Variants in NRG3 observed in about 807,000 individuals in gnomAD.
NRG3 encodes neuregulin 3.
A neutral mutation model predicts 66.9 loss-of-function variants in NRG3; 31 were observed. The observed-to-expected ratio is 0.46, with a 90% CI of 0.35 to 0.63. The LOEUF (loss-of-function observed/expected upper bound fraction) is 0.63. Ranked by LOEUF, NRG3 falls within the 20% of genes least tolerant of loss-of-function variation. NRG3 has a pLI of 0.00. For missense variants in NRG3, 910 were observed against 878.9 expected, an observed-to-expected ratio of 1.04 and a Z score of -0.45; for synonymous variants, 393 against 359.4, an observed-to-expected ratio of 1.09 and a Z score of -1.06.
At chr10:82,792,610 C>G (rs1003703469) in intron 3 of NRG3, among the ~76,000 whole-genome samples, 1 of 152,016 alleles carries the variant, frequency 6.6e-6, no homozygotes, top group Non-Finnish European at 1.5e-5. Context: ...ACAAACTCTT[C>G]TATATTGTGA....
intron 2 of NRG3, among the ~76,000 whole-genome samples, chr10:82,594,165 A>G (rs981977): frequency 0.084 from 12,821 of 152,156 alleles, 619 homozygotes; most frequent in East Asian, 0.15. Context: ...TGGCTGTAAT[A>G]TATACTGAGA....
At chr10:82,088,075 A>G (rs1175161165) in intron 1 of NRG3, among the ~76,000 whole-genome samples, 2 of 152,130 alleles carry the variant, frequency 1.3e-5, no homozygotes, top group African/African-American at 4.8e-5. Context: ...AAACTGATTC[A>G]TGATGATTAC....
intron 8 of NRG3, among the ~76,000 whole-genome samples, chr10:82,983,425 ATGTAGC>A (rs1187070592): frequency 1.3e-5 from 2 of 152,200 alleles, no homozygotes; most frequent in African/African-American, 4.8e-5. Context: ...ATTTCCAAAT[ATGTAGC>A]TGTGCAGTTT....
chr10:82,171,048 T>A (rs2072562887), intron 1 of NRG3, among the ~76,000 whole-genome samples: 1 of 151,994 alleles, frequency 6.6e-6, no homozygotes. Context: ...ATACTCTGGC[T>A]TTATTAGTGT....
At chr10:81,964,293 C>A (rs1187510822) in intron 1 of NRG3, among the ~76,000 whole-genome samples, 1 of 147,840 alleles carries the variant, frequency 6.8e-6, no homozygotes, top group Admixed American at 6.9e-5. Context: ...TAAAAAACAG[C>A]TGCATAGAAG....
intron 1 of NRG3, among the ~76,000 whole-genome samples, chr10:82,025,737 A>C (rs2132813189): frequency 6.6e-6 from 1 of 152,262 alleles, no homozygotes; most frequent in East Asian, 1.9e-4. Context: ...AAGAGAATCC[A>C]AAATTATTTA....
chr10:82,099,082 G>C (rs1051925557), intron 1 of NRG3, among the ~76,000 whole-genome samples: 4 of 152,090 alleles, frequency 2.6e-5, no homozygotes, highest in African/African-American at 9.7e-5. Flanking sequence ...CATCTTGACA[G>C]AGCAAAGATT....
At chr10:82,114,212 C>A (rs1274488585) in intron 1 of NRG3, among the ~76,000 whole-genome samples, 1 of 152,116 alleles carries the variant, frequency 6.6e-6, no homozygotes, top group Non-Finnish European at 1.5e-5. Context: ...TTTGTTCATT[C>A]ATCTCTTAGG....
At chr10:82,727,812 A>G (rs1010414394) in intron 2 of NRG3, among the ~76,000 whole-genome samples, 2 of 152,162 alleles carry the variant, frequency 1.3e-5, no homozygotes, top group African/African-American at 2.4e-5. Flanking sequence ...GCAGCCCAAG[A>G]AAACAGCTGG....
intron 2 of NRG3, among the ~76,000 whole-genome samples, chr10:82,690,217 C>T (rs2054815702): frequency 6.6e-6 from 1 of 151,234 alleles, no homozygotes; most frequent in East Asian, 1.9e-4. Context: ...TGAAGAATCT[C>T]ATATAGAGAG....
intron 2 of NRG3, among the ~76,000 whole-genome samples, chr10:82,681,623 C>A (rs1395088349): frequency 6.6e-6 from 1 of 152,156 alleles, no homozygotes; most frequent in Non-Finnish European, 1.5e-5. Context: ...TGACAAATGT[C>A]ATTTGTCAGT....
chr10:82,236,119 G>A (rs1299237407), intron 1 of NRG3, among the ~76,000 whole-genome samples: 1 of 152,036 alleles, frequency 6.6e-6, no homozygotes, highest in Non-Finnish European at 1.5e-5. Context: ...TTTACAGTCA[G>A]TCGTTAGAAT....
chr10:81,963,298 T>A (rs1042557253), intron 1 of NRG3, among the ~76,000 whole-genome samples: 1 of 150,742 alleles, frequency 6.6e-6, no homozygotes, highest in Non-Finnish European at 1.5e-5. Context: ...TACGCCCGGC[T>A]AATTTTTTGT....
intron 1 of NRG3, among the ~76,000 whole-genome samples, chr10:82,156,110 T>C (rs1161199390): frequency 1.3e-5 from 2 of 151,694 alleles, no homozygotes; most frequent in Non-Finnish European, 3.0e-5. Context: ...ACTAGGGTAC[T>C]TGTGCTAACA....
At chr10:82,938,594 G>T (rs1472866270) in intron 4 of NRG3, among the ~76,000 whole-genome samples, 2 of 152,240 alleles carry the variant, frequency 1.3e-5, no homozygotes, top group Non-Finnish European at 2.9e-5. Context: ...TGGTAAAGGA[G>T]TTAGATTCCT....
intron 3 of NRG3, among the ~76,000 whole-genome samples, chr10:82,801,705 A>C (rs1591566522): frequency 6.6e-6 from 1 of 152,232 alleles, no homozygotes; most frequent in East Asian, 1.9e-4. Flanking sequence ...AACAGGGCTT[A>C]TCTTTCAAGA....
At chr10:82,297,294 A>G (rs972498123) in intron 1 of NRG3, among the ~76,000 whole-genome samples, 1 of 151,724 alleles carries the variant, frequency 6.6e-6, no homozygotes, top group African/African-American at 2.4e-5. Flanking sequence ...TTTTGGGTAG[A>G]TACTCAGTAG....
chr10:82,328,516 C>G (rs1264651407), intron 1 of NRG3, among the ~76,000 whole-genome samples: 1 of 152,174 alleles, frequency 6.6e-6, no homozygotes, highest in Non-Finnish European at 1.5e-5. Context: ...TGGCCAACAT[C>G]TCTCCAATTC....
At chr10:82,223,385 C>T (rs1053125365) in intron 1 of NRG3, among the ~76,000 whole-genome samples, 4 of 152,060 alleles carry the variant, frequency 2.6e-5, no homozygotes, top group Non-Finnish European at 5.9e-5. Flanking sequence ...AGGTAATAGT[C>T]TGCACCCTAG....
Sources: gnomAD v4.1 joint callset for allele counts (sites outside exome capture counted in the v4.1 genomes callset) on GRCh38, gnomAD v4.1.1 for gene constraint, MANE v1.5 for transcripts, NCBI Gene and HGNC (gene_info 2026-07-23, HGNC 2026-07-21) for gene names.